The following EXOC4 variants were observed in gnomAD, a reference collection of about 807,000 sequenced individuals.
The protein encoded by EXOC4 is exocyst complex component 4.
EXOC4 carries 71 observed loss-of-function variants against 107.2 expected under a neutral mutation model. That is an observed-to-expected ratio of 0.66 (90% CI 0.55 to 0.81). The LOEUF (loss-of-function observed/expected upper bound fraction) is 0.81. Ranked by LOEUF, EXOC4 falls within the 30% of genes least tolerant of loss-of-function variation. EXOC4 has a pLI of 0.00. For missense variants in EXOC4, 1,108 were observed against 1,189.6 expected, an observed-to-expected ratio of 0.93 and a Z score of 1.01; for synonymous variants, 456 against 441.2, an observed-to-expected ratio of 1.03 and a Z score of -0.42.
At chr7:133,420,562 A>C (rs1797581088) in intron 7 of EXOC4, among the ~76,000 whole-genome samples, 1 of 152,134 alleles carries the variant, frequency 6.6e-6, no homozygotes, top group African/African-American at 2.4e-5. Context: ...GTTAAAAGCA[A>C]GTCACAGTTC....
chr7:133,494,024 A>G (rs1799426115), intron 9 of EXOC4, among the ~76,000 whole-genome samples: 1 of 152,230 alleles, frequency 6.6e-6, no homozygotes, highest in Non-Finnish European at 1.5e-5. Flanking sequence ...CTATTTATGA[A>G]TTAATGGCAG....
intron 10 of EXOC4, among the ~76,000 whole-genome samples, chr7:133,739,419 C>T (rs1160469757): frequency 6.6e-6 from 1 of 152,120 alleles, no homozygotes; most frequent in Non-Finnish European, 1.5e-5. Flanking sequence ...TCAGGGAGAG[C>T]AGTGACAAGC....
At chr7:133,713,266 A>G (rs1395156979) in intron 10 of EXOC4, among the ~76,000 whole-genome samples, 1 of 152,212 alleles carries the variant, frequency 6.6e-6, no homozygotes, top group Non-Finnish European at 1.5e-5. Context: ...TTGCCTAAGT[A>G]AGAAAAGATA....
intron 7 of EXOC4, among the ~76,000 whole-genome samples, chr7:133,425,287 T>C (rs1334836282): frequency 6.6e-6 from 1 of 152,130 alleles, no homozygotes; most frequent in South Asian, 2.1e-4. Flanking sequence ...GCCAAGACAC[T>C]TTTTTTGTTC....
chr7:133,265,413 A>AT, intron 1 of EXOC4, among the ~76,000 whole-genome samples: 1 of 151,926 alleles, frequency 6.6e-6, no homozygotes, highest in East Asian at 1.9e-4. Context: ...CTAAAAAAAA[A>AT]AAAAAATTCA....
At chr7:133,279,513 C>T (rs1794080885) in intron 2 of EXOC4, among the ~76,000 whole-genome samples, 1 of 152,166 alleles carries the variant, frequency 6.6e-6, no homozygotes, top group African/African-American at 2.4e-5. Flanking sequence ...CTTGAGACCA[C>T]AGAACTGTTT....
rs534455452 is a variant in EXOC4, at chr7:133,815,167, C to A, written c.1515-2158C>A. On this transcript the variant is annotated intron_variant, in intron 10 of 17. Transcript: ENST00000253861. ...GCCGAAGCGGGCAGATCACATGAGG[C>A]CAGCAGTTCAAGACCAGCCTGGCCA... 9.9e-5 allele frequency among the ~76,000 whole-genome samples: 15 copies of A among 151,956 alleles called. No individual in the cohort carries two copies. In the East Asian group the frequency reaches 2.3e-3, roughly 24 times the overall value.
Position 134,004,924 on chromosome 7 carries a change from C to T in EXOC4, c.2361C>T (p.Phe787=). Residue 787 remains phenylalanine, a synonymous_variant, in exon 16 of 18, where the codon TTC becomes TTT. Coordinates refer to ENST00000253861, the MANE Select transcript of EXOC4 (RefSeq NM_021807.4). ...VLHLEVRVHC[F]HYLIPLAKEG... is the part of the protein sequence containing the mutation. ...CTCTCTTTTTCAGGGTTCACTGTTT[C>T]CACTATCTTATCCCTCTTGCAAAGG... The T allele has an allele frequency of 6.2e-7, 1 of 1,612,334 alleles. No homozygotes were observed. Among genetic ancestry groups the T allele is most frequent in the Non-Finnish European group, 8.5e-7 (1 of 1,179,036 alleles).
rs146322849 is a variant in EXOC4 at position 133,717,198 on chromosome 7, A to G, written c.1514+87057A>G. Reference sequence around the variant, plus strand: ...TAAGGTGGCTACTGCCAAAGAATAAAATCAGTGAAATTGCCTTTTGTGTGT... The same window carrying G: ...TAAGGTGGCTACTGCCAAAGAATAAGATCAGTGAAATTGCCTTTTGTGTGT... On this transcript the variant is annotated intron_variant, in intron 10 of 17. Transcript: ENST00000253861. 2.5e-3 allele frequency among the ~76,000 whole-genome samples: 384 copies of G among 152,364 alleles called. 2 individuals carry two copies. Among genetic ancestry groups the G allele is most frequent in the African/African-American group, 8.8e-3 (366 of 41,594 alleles).
chr7:133,338,788 T>A (rs1464258284), intron 5 of EXOC4, among the ~76,000 whole-genome samples: 1 of 137,342 alleles, frequency 7.3e-6, no homozygotes, highest in African/African-American at 2.7e-5. Context: ...AGTTTTGCTC[T>A]CGTTGCCCAG....
chr7:133,826,008 T>A (rs2151230800), intron 11 of EXOC4, among the ~76,000 whole-genome samples: 1 of 152,360 alleles, frequency 6.6e-6, no homozygotes, highest in Non-Finnish European at 1.5e-5. Context: ...CTTTGCATTT[T>A]ACTCTTGTTA....
At chr7:133,911,828 A>G (rs889824) in intron 12 of EXOC4, among the ~76,000 whole-genome samples, 129,685 of 152,066 alleles carry the variant, frequency 0.85, 55,911 homozygotes, top group African/African-American at 0.96. Context: ...TGGGCTTCTC[A>G]CTCTGTGGAA....
At chr7:133,284,372 A>G (rs970410204) in intron 2 of EXOC4, among the ~76,000 whole-genome samples, 3 of 152,208 alleles carry the variant, frequency 2.0e-5, no homozygotes, top group Non-Finnish European at 4.4e-5. Flanking sequence ...GCTGAGAACT[A>G]TAGTAGCAAG....
chr7:133,258,186 A>G (rs986872315), intron 1 of EXOC4, among the ~76,000 whole-genome samples: 5 of 151,982 alleles, frequency 3.3e-5, no homozygotes, highest in African/African-American at 1.2e-4. Context: ...AAGTCCTGGG[A>G]TGTCTGGCAG....
intron 17 of EXOC4, among the ~76,000 whole-genome samples, chr7:134,056,785 A>C (rs1795935240): frequency 6.6e-6 from 1 of 152,216 alleles, no homozygotes; most frequent in Non-Finnish European, 1.5e-5. Flanking sequence ...AAAGGTGGGG[A>C]GCAAAGTTGC....
intron 10 of EXOC4, among the ~76,000 whole-genome samples, chr7:133,802,581 G>A (rs1032875988): frequency 3.3e-5 from 5 of 152,048 alleles, no homozygotes; most frequent in Non-Finnish European, 5.9e-5. Context: ...TTAATAGGCC[G>A]GGCGCAGTGG....
intron 10 of EXOC4, among the ~76,000 whole-genome samples, chr7:133,753,183 A>G (rs1795829789): frequency 1.3e-5 from 2 of 152,242 alleles, no homozygotes; most frequent in African/African-American, 4.8e-5. Context: ...TTCAGCTTAA[A>G]TGTATAAATA....
rs187860490 is a variant in EXOC4, at chr7:133,319,319, A to G, written c.763+1929A>G. 3.3e-3 allele frequency among the ~76,000 whole-genome samples: 497 copies of G among 152,256 alleles called. 5 individuals carry two copies. Among genetic ancestry groups the G allele is most frequent in the African/African-American group, 0.011 (475 of 41,554 alleles). ...ACTATGATAGGCCTTACTTTTTGAT[A>G]GGCACTTTATCTGTCAGCTTCTGGA... On this transcript the variant is annotated intron_variant, in intron 5 of 17. Coordinates refer to ENST00000253861, the MANE Select transcript of EXOC4 (RefSeq NM_021807.4).
At chr7:133,702,695 G>A (rs551506327) in intron 10 of EXOC4, among the ~76,000 whole-genome samples, 51 of 152,118 alleles carry the variant, frequency 3.4e-4, no homozygotes, top group Middle Eastern at 3.4e-3. Context: ...GATCACCTAG[G>A]GATGAGGAAG....
Sources: allele counts gnomAD v4.1 joint callset (sites outside exome capture counted in the v4.1 genomes callset), GRCh38; gene constraint gnomAD v4.1.1; transcripts MANE v1.5; gene names NCBI Gene and HGNC (gene_info 2026-07-23, HGNC 2026-07-21).